FSTL5: variants seen among roughly 807,000 people sequenced by gnomAD.
FSTL5 encodes follistatin-related protein 5.
Under a neutral mutation model 89.1 loss-of-function variants are expected in FSTL5, and 62 were observed. That is an observed-to-expected ratio of 0.70 (90% confidence interval 0.57 to 0.86). The LOEUF is 0.86. Among genes scored for constraint, FSTL5 ranks in the 40% least tolerant of loss-of-function variants. The pLI, the probability that FSTL5 is intolerant of heterozygous loss-of-function variation, is 0.00. For missense variants in FSTL5, 1,057 were observed against 1,001.6 expected, an observed-to-expected ratio of 1.06 and a Z score of -0.75; for synonymous variants, 383 against 346.2, an observed-to-expected ratio of 1.11 and a Z score of -1.18.
At chr4:161,554,940 C>T (rs771341006) in intron 8 of FSTL5, among the ~76,000 whole-genome samples, 19 of 151,602 alleles carry the variant, frequency 1.3e-4, no homozygotes, top group Non-Finnish European at 2.4e-4. Flanking sequence ...TTTTGTCTGA[C>T]ATTATTAAAG....
intron 7 of FSTL5, among the ~76,000 whole-genome samples, chr4:161,625,289 G>GTA (rs1273973293): frequency 1.3e-5 from 2 of 152,036 alleles, no homozygotes; most frequent in Non-Finnish European, 2.9e-5. Context: ...CCTTGAGCAA[G>GTA]TTTATAGGCA....
intron 8 of FSTL5, among the ~76,000 whole-genome samples, chr4:161,554,500 G>C (rs1041596192): frequency 6.6e-6 from 1 of 151,528 alleles, no homozygotes; most frequent in East Asian, 1.9e-4. Context: ...GCAGAGTATG[G>C]AGACAGCATA....
chr4:162,069,056 G>T (rs960519881), intron 2 of FSTL5, among the ~76,000 whole-genome samples: 2 of 152,034 alleles, frequency 1.3e-5, no homozygotes, highest in Admixed American at 6.6e-5. Flanking sequence ...AGATGCTGGT[G>T]ATGCTGTGGA....
At chr4:161,721,619 C>A (rs747014367) in intron 6 of FSTL5, among the ~76,000 whole-genome samples, 1 of 152,168 alleles carries the variant, frequency 6.6e-6, no homozygotes, top group Non-Finnish European at 1.5e-5. Flanking sequence ...CAGGCTCCCC[C>A]ACTTCCTATG....
intron 4 of FSTL5, among the ~76,000 whole-genome samples, chr4:161,778,847 T>C (rs1212866417): frequency 2.0e-5 from 3 of 152,220 alleles, no homozygotes; most frequent in Non-Finnish European, 2.9e-5. Context: ...TTTATCTGAG[T>C]GCACAGGTGT....
intron 3 of FSTL5, among the ~76,000 whole-genome samples, chr4:161,961,670 C>T (rs1287074575): frequency 1.3e-5 from 2 of 151,646 alleles, no homozygotes; most frequent in Non-Finnish European, 2.9e-5. Flanking sequence ...AATCCAAAAA[C>T]TTACTGTTAG....
At chr4:161,861,738 C>A (rs576409536) in intron 4 of FSTL5, among the ~76,000 whole-genome samples, 117 of 152,222 alleles carry the variant, frequency 7.7e-4, no homozygotes, top group Non-Finnish European at 1.1e-3. Context: ...TCTTTGGAAG[C>A]CGCTTTTTCA....
chr4:161,941,338 C>T (rs984515780), intron 3 of FSTL5, among the ~76,000 whole-genome samples: 2 of 151,612 alleles, frequency 1.3e-5, no homozygotes, highest in African/African-American at 4.8e-5. Context: ...AAGTCTTATT[C>T]AAAAGGAAGG....
At chr4:161,390,538 C>T (rs1258988136) in intron 15 of FSTL5, among the ~76,000 whole-genome samples, 2 of 152,022 alleles carry the variant, frequency 1.3e-5, no homozygotes, top group African/African-American at 4.8e-5. Context: ...TTTACTCAGT[C>T]CCTGGTCACA....
chr4:161,408,688 T>A (rs551410005), intron 15 of FSTL5, among the ~76,000 whole-genome samples: 2 of 152,152 alleles, frequency 1.3e-5, no homozygotes, highest in South Asian at 4.1e-4. Context: ...TACAGTAAAA[T>A]AACTCAAGAG....
At chr4:161,902,492 C>T (rs531626445) in intron 4 of FSTL5, among the ~76,000 whole-genome samples, 2 of 152,254 alleles carry the variant, frequency 1.3e-5, no homozygotes, top group East Asian at 3.9e-4. Flanking sequence ...ACAAATTCTT[C>T]ATTGAATGTG....
At chr4:161,896,358 T>C (rs1005827981) in intron 4 of FSTL5, among the ~76,000 whole-genome samples, 1 of 152,210 alleles carries the variant, frequency 6.6e-6, no homozygotes, top group African/African-American at 2.4e-5. Flanking sequence ...GAAATTATCA[T>C]GCTATCCTTG....
At chr4:161,873,966 A>G (rs2126903065) in intron 4 of FSTL5, among the ~76,000 whole-genome samples, 1 of 151,880 alleles carries the variant, frequency 6.6e-6, no homozygotes, top group South Asian at 2.1e-4. Context: ...TTCTTTCTAG[A>G]TTGTTGTTGC....
chr4:161,799,536 TTTC>T (rs1355998610), intron 4 of FSTL5, among the ~76,000 whole-genome samples: 2 of 151,722 alleles, frequency 1.3e-5, no homozygotes, highest in African/African-American at 4.8e-5. Flanking sequence ...TATCTCTATT[TTTC>T]ACTTGACATC....
chr4:161,565,742 GACACAC>G lies in FSTL5; in HGVS notation c.1015+21707_1015+21712del, dbSNP rs145835055. Among the ~76,000 whole-genome samples, 1,142 of 133,646 alleles carry G rather than the reference GACACAC, an allele frequency of 8.5e-3. 15 individuals carry two copies. Among genetic ancestry groups the G allele is most frequent in the African/African-American group, 0.03 (1,057 of 35,518 alleles). The allele number at this position is 133,646 out of a possible 152,430, so 87.7% of individuals were successfully genotyped here. The stretch of plus-strand genomic sequence containing the variant: ...TTCTTGTGAACGTAGTATAACTTGA[GACACAC>G]ACACACACACACACACACACACACA... On this transcript the variant is annotated intron_variant, in intron 8 of 15. Coordinates refer to ENST00000306100, the MANE Select transcript of FSTL5 (RefSeq NM_020116.5).
intron 8 of FSTL5, 94 bp from the exon 9 acceptor site, chr4:161,542,787 T>C: frequency 1.5e-6 from 1 of 684,672 alleles, no homozygotes. Context: ...AATAATAAAT[T>C]ATATATTTTA....
chr4:162,160,519 A>G (rs1219104257), intron 1 of FSTL5, among the ~76,000 whole-genome samples: 1 of 151,806 alleles, frequency 6.6e-6, no homozygotes, highest in East Asian at 1.9e-4. Context: ...TTAGTTCACA[A>G]GAGTCTTTTG....
chr4:161,734,543 T>G (rs1209539179), intron 6 of FSTL5, among the ~76,000 whole-genome samples: 1 of 152,142 alleles, frequency 6.6e-6, no homozygotes, highest in Non-Finnish European at 1.5e-5. Flanking sequence ...GGTTCAAAAT[T>G]TTTGCAATCT....
chr4:161,413,141 A>G (rs1338524700), intron 15 of FSTL5, among the ~76,000 whole-genome samples: 1 of 152,012 alleles, frequency 6.6e-6, no homozygotes, highest in Non-Finnish European at 1.5e-5. Context: ...AGAATGGGAG[A>G]AGATAACTCA....
Sources: gnomAD v4.1 joint callset for allele counts (sites outside exome capture counted in the v4.1 genomes callset) on GRCh38, gnomAD v4.1.1 for gene constraint, MANE v1.5 for transcripts, NCBI Gene and HGNC (gene_info 2026-07-23, HGNC 2026-07-21) for gene names.